Variants in EEFSEC observed in about 807,000 individuals in gnomAD.
The protein encoded by EEFSEC is eukaryotic elongation factor, selenocysteine-tRNA specific.
In EEFSEC, 43 loss-of-function variants were observed where a neutral mutation model predicts 42.1. The observed-to-expected ratio is 1.02, with a 90% CI of 0.80 to 1.32. The LOEUF is 1.32. EEFSEC is among the 40% of genes most tolerant of loss of function. The pLI, the probability that EEFSEC is intolerant of heterozygous loss-of-function variation, is 0.00. For synonymous variants in EEFSEC, 354 were observed against 339.1 expected, an observed-to-expected ratio of 1.04 and a Z score of -0.48; for missense variants, 745 against 803.6, an observed-to-expected ratio of 0.93 and a Z score of 0.88.
At chr3:128,347,339 A>C (rs2067324708) in intron 5 of EEFSEC, among the ~76,000 whole-genome samples, 1 of 152,188 alleles carries the variant, frequency 6.6e-6, no homozygotes, top group Non-Finnish European at 1.5e-5. Flanking sequence ...AGAAGAAAAG[A>C]AGTGAAAGTG....
chr3:128,380,278 A>C (rs2067759564), intron 6 of EEFSEC, among the ~76,000 whole-genome samples: 1 of 152,192 alleles, frequency 6.6e-6, no homozygotes, highest in Non-Finnish European at 1.5e-5. Context: ...CTGTTATCCC[A>C]TCCCCTTTTC....
At chr3:128,238,397 AG>A (rs768597266) in intron 1 of EEFSEC, among the ~76,000 whole-genome samples, 15 of 152,270 alleles carry the variant, frequency 9.9e-5, no homozygotes, top group Non-Finnish European at 1.6e-4. Flanking sequence ...GGTACTGCAC[AG>A]GCTAGACAAT....
intron 1 of EEFSEC, among the ~76,000 whole-genome samples, chr3:128,190,939 T>C (rs2065517636): frequency 6.6e-6 from 1 of 152,102 alleles, no homozygotes; most frequent in South Asian, 2.1e-4. Context: ...TTTTTTATTA[T>C]GGTAAAAAAT....
At chr3:128,399,596 C>T (rs56814892) in intron 6 of EEFSEC, among the ~76,000 whole-genome samples, 10 of 152,018 alleles carry the variant, frequency 6.6e-5, no homozygotes, top group African/African-American at 9.7e-5. Context: ...GCCGGCCCCC[C>T]CCAGCCAGCG....
chr3:128,361,371 G>T (rs1471191444), intron 6 of EEFSEC, among the ~76,000 whole-genome samples: 1 of 152,132 alleles, frequency 6.6e-6, no homozygotes, highest in East Asian at 1.9e-4. Context: ...TAGGCCTGGG[G>T]TCTCATTTTA....
At chr3:128,412,643 A>AC (rs1027635131), downstream of EEFSEC, among the ~76,000 whole-genome samples, 11 of 151,948 alleles carry the variant, frequency 7.2e-5, no homozygotes, top group Non-Finnish European at 1.5e-4. Flanking sequence ...ATAGCTCCAG[A>AC]CCCCCCAGCC....
chr3:128,401,570 C>T (rs2068048344), intron 6 of EEFSEC, among the ~76,000 whole-genome samples: 1 of 152,158 alleles, frequency 6.6e-6, no homozygotes, highest in South Asian at 2.1e-4. Flanking sequence ...ACCACACATT[C>T]CAAGGCCCTG....
In EEFSEC at chr3:128,350,213, A is replaced by G. The variant is rs575281180; in HGVS notation, c.1444-8004A>G. 3.5e-3 allele frequency among the ~76,000 whole-genome samples: 536 copies of G among 152,346 alleles called. 3 individuals are homozygous for G. Among genetic ancestry groups the G allele is most frequent in the Non-Finnish European group, 6.1e-3 (413 of 68,028 alleles). On this transcript the variant is annotated intron_variant, in intron 5 of 6. Transcript: ENST00000254730. ...TGCTGACGGCTTGTTAAATGTGCCCAGGGCACCAGGGAGCGTGCTGGCCTG... is the reference window on the plus strand; with the variant it reads ...TGCTGACGGCTTGTTAAATGTGCCCGGGGCACCAGGGAGCGTGCTGGCCTG...
intron 6 of EEFSEC, among the ~76,000 whole-genome samples, chr3:128,368,448 A>C (rs1334216151): frequency 1.6e-5 from 1 of 64,486 alleles, no homozygotes; most frequent in Non-Finnish European, 2.6e-5. Flanking sequence ...AAAAAACAAA[A>C]AAAAAAAAAC....
intron 6 of EEFSEC, among the ~76,000 whole-genome samples, chr3:128,395,879 C>G (rs1329084789): frequency 6.6e-6 from 1 of 152,216 alleles, no homozygotes; most frequent in African/African-American, 2.4e-5. Context: ...GGCCATGTGT[C>G]TTATTCCCAC....
At chr3:128,170,300 C>T (rs1309399854) in intron 1 of EEFSEC, among the ~76,000 whole-genome samples, 6 of 152,210 alleles carry the variant, frequency 3.9e-5, no homozygotes, top group Non-Finnish European at 5.9e-5. Context: ...CGGTGGCTCA[C>T]GCCTGTAATC....
At chr3:128,213,896 A>G (rs1302670563) in intron 1 of EEFSEC, among the ~76,000 whole-genome samples, 2 of 152,188 alleles carry the variant, frequency 1.3e-5, no homozygotes, top group East Asian at 1.9e-4. Flanking sequence ...CAAAGTCACA[A>G]AAGAACTAAC....
At position 128,317,352 on chromosome 3, in the gene EEFSEC, C is replaced by T. The variant is rs555354872; in HGVS notation, c.787-23881C>T. 9.2e-5 allele frequency among the ~76,000 whole-genome samples: 14 copies of T among 152,346 alleles called. No individual in the cohort carries two copies. Among genetic ancestry groups the T allele is most frequent in the African/African-American group, 2.9e-4 (12 of 41,586 alleles). ...TGTAAGCCTGGCCTGTTCTCCGCCC[C>T]GCTGCTGGAGCTCAGACGCTCACTC... On this transcript the variant is annotated intron_variant, in intron 4 of 6. Coordinates refer to ENST00000254730, the MANE Select transcript of EEFSEC (RefSeq NM_021937.5). The surrounding 1 kb of genome is among the most constrained non-coding windows in gnomAD (Gnocchi z 4.1).
intron 5 of EEFSEC, among the ~76,000 whole-genome samples, chr3:128,348,271 C>CGTGTGTGTGT (rs71618139): frequency 6.8e-6 from 1 of 147,702 alleles, no homozygotes; most frequent in East Asian, 2.0e-4. Context: ...TGTGTGTGTG[C>CGTGTGTGTGT]GTGTGCGTGT....
chr3:128,307,077 T>C (rs184929498), intron 4 of EEFSEC, among the ~76,000 whole-genome samples: 2 of 152,374 alleles, frequency 1.3e-5, no homozygotes, highest in East Asian at 3.9e-4. Context: ...TTCTCACCAG[T>C]ACGTCCTACC....
At chr3:128,365,404 A>C (rs2067578719) in intron 6 of EEFSEC, among the ~76,000 whole-genome samples, 1 of 152,200 alleles carries the variant, frequency 6.6e-6, no homozygotes, top group South Asian at 2.1e-4. Flanking sequence ...GATTGGGACC[A>C]GCCACTTTCC....
At chr3:128,383,086 T>C (rs61010299) in intron 6 of EEFSEC, among the ~76,000 whole-genome samples, 10,776 of 151,914 alleles carry the variant, frequency 0.071, 786 homozygotes, top group African/African-American at 0.19. Context: ...GAGGCCCCAC[T>C]TCCCACACTG....
intron 6 of EEFSEC, among the ~76,000 whole-genome samples, chr3:128,385,063 CAGGACA>C (rs2067822778): frequency 6.6e-6 from 1 of 152,072 alleles, no homozygotes; most frequent in Admixed American, 6.5e-5. Context: ...CTTCCTGGCC[CAGGACA>C]AGGAGTGGCA....
intron 5 of EEFSEC, among the ~76,000 whole-genome samples, chr3:128,346,902 C>T (rs917630838): frequency 2.6e-5 from 4 of 152,196 alleles, no homozygotes; most frequent in Non-Finnish European, 5.9e-5. Context: ...TTCTCCAACT[C>T]ATTAGAAAAT....
Sources: allele counts gnomAD v4.1 joint callset (sites outside exome capture counted in the v4.1 genomes callset), GRCh38; gene constraint gnomAD v4.1.1; non-coding constraint Gnocchi (gnomAD v3.1); transcripts MANE v1.5; gene names NCBI Gene and HGNC (gene_info 2026-07-23, HGNC 2026-07-21).